The following TMEM131 variants were observed in gnomAD, a reference collection of about 807,000 sequenced individuals.
TMEM131 encodes the protein 2610524E03Rik.
In TMEM131, 66 loss-of-function variants were observed where a neutral mutation model predicts 211.6. That is an observed-to-expected ratio of 0.31 (90% CI 0.26 to 0.38). The LOEUF (loss-of-function observed/expected upper bound fraction) is 0.38. Among genes scored for constraint, TMEM131 ranks in the 10% least tolerant of loss-of-function variants. The probability of loss-of-function intolerance (pLI) is 1.00; values close to 1 mark genes in which losing one functional copy is unlikely to be tolerated. For missense variants in TMEM131, 2,036 were observed against 2,299.3 expected (o/e 0.89, Z 2.34); for synonymous variants, 844 against 841.3 (o/e 1.00, Z -0.06).
intron 1 of TMEM131, among the ~76,000 whole-genome samples, chr2:97,949,754 C>T (rs901953513): frequency 5.8e-5 from 8 of 137,476 alleles, no homozygotes; most frequent in African/African-American, 1.4e-4. Flanking sequence ...TGGGAGGCAG[C>T]GCTTGCAGTG....
chr2:97,943,095 A>G (rs182316161), intron 1 of TMEM131, among the ~76,000 whole-genome samples: 6 of 147,826 alleles, frequency 4.1e-5, no homozygotes, highest in African/African-American at 7.5e-5. Flanking sequence ...GAAAGAAAGA[A>G]AGAAAGAGCT....
At chr2:97,799,237 G>A (rs1456986996) in intron 25 of TMEM131, among the ~76,000 whole-genome samples, 4 of 151,570 alleles carry the variant, frequency 2.6e-5, no homozygotes, top group Admixed American at 2.6e-4. Context: ...TTTCCTAGCA[G>A]CCATTGTGTT....
intron 1 of TMEM131, among the ~76,000 whole-genome samples, chr2:97,968,939 G>A (rs1372619998): frequency 6.6e-6 from 1 of 151,366 alleles, no homozygotes; most frequent in East Asian, 1.9e-4. Context: ...AAAAAAATTA[G>A]CTGGGCCTGG....
intron 5 of TMEM131, among the ~76,000 whole-genome samples, chr2:97,853,873 A>C (rs1673730680): frequency 6.6e-6 from 1 of 152,172 alleles, no homozygotes; most frequent in Non-Finnish European, 1.5e-5. Flanking sequence ...GAGCAAAAAA[A>C]GTGGTTTCGT....
chr2:97,779,596 C>T (rs2104833387), intron 31 of TMEM131, among the ~76,000 whole-genome samples: 1 of 152,350 alleles, frequency 6.6e-6, no homozygotes, highest in Non-Finnish European at 1.5e-5. Flanking sequence ...TCCGCATCAC[C>T]TGGGACCTTG....
intron 11 of TMEM131, among the ~76,000 whole-genome samples, chr2:97,820,170 C>T (rs1432648725): frequency 6.6e-6 from 1 of 152,186 alleles, no homozygotes; most frequent in African/African-American, 2.4e-5. Context: ...TAACTTCCTC[C>T]GTTTTTCTTC....
intron 1 of TMEM131, among the ~76,000 whole-genome samples, chr2:97,994,592 GTGGTT>G (rs977429182): frequency 2.6e-5 from 4 of 151,862 alleles, no homozygotes; most frequent in African/African-American, 9.7e-5. Context: ...CAAGTTTTGC[GTGGTT>G]TGTTTTTTTT....
intron 5 of TMEM131, among the ~76,000 whole-genome samples, chr2:97,844,619 A>C (rs747483040): frequency 1.1e-4 from 17 of 152,164 alleles, no homozygotes; most frequent in Non-Finnish European, 2.1e-4. Context: ...TGTACTACTA[A>C]GCAGTGACTT....
chr2:97,956,458 CT>C (rs1348950184), intron 1 of TMEM131, among the ~76,000 whole-genome samples: 1 of 151,740 alleles, frequency 6.6e-6, no homozygotes, highest in Non-Finnish European at 1.5e-5. Context: ...TCTCCTATTA[CT>C]TTGATCAAAG....
intron 32 of TMEM131, among the ~76,000 whole-genome samples, chr2:97,775,513 G>A (rs1679681898): frequency 6.6e-6 from 1 of 152,190 alleles, no homozygotes; most frequent in South Asian, 2.1e-4. Context: ...TCTGAAAGAA[G>A]TTTCATGAGG....
At chr2:97,816,375 A>G (rs532998201) in intron 12 of TMEM131, among the ~76,000 whole-genome samples, 1 of 152,302 alleles carries the variant, frequency 6.6e-6, no homozygotes, top group East Asian at 1.9e-4. Flanking sequence ...ATAAATAAAT[A>G]AGGAATTACA....
At chr2:97,765,971 A>G in intron 35 of TMEM131, 143 bp downstream of exon 35, 2 of 983,842 alleles carry the variant, frequency 2.0e-6, no homozygotes, top group Middle Eastern at 3.3e-4. Context: ...GCCACTGATT[A>G]GGCTAGTTAA....
chr2:97,855,357 T>C (rs1422809706), intron 5 of TMEM131, among the ~76,000 whole-genome samples: 1 of 152,248 alleles, frequency 6.6e-6, no homozygotes, highest in Non-Finnish European at 1.5e-5. Flanking sequence ...ATTCCGGCTC[T>C]TATTAATATA....
chr2:97,806,374 T>C (rs1681297863), intron 19 of TMEM131, among the ~76,000 whole-genome samples: 1 of 152,084 alleles, frequency 6.6e-6, no homozygotes, highest in South Asian at 2.1e-4. Context: ...CTGTTCCTGC[T>C]AAAAATACAC....
Position 97,841,807 on chromosome 2 carries a change from A to G in TMEM131, c.723+8T>C, listed in dbSNP as rs775096373. On this transcript the variant is annotated splice_region_variant and intron_variant, in intron 7 of 40. Coordinates refer to ENST00000186436, the MANE Select transcript of TMEM131 (RefSeq NM_015348.2). ...GAAGCTTATTCAAAATTACCATCAT[A>G]AACTCACCTGTAAAGGCTCACTGTG... is the stretch of plus-strand genomic sequence containing the variant. 1.7e-5 allele frequency: 27 copies of G among 1,573,392 alleles called. No homozygotes were observed. Among genetic ancestry groups the G allele is most frequent in the Non-Finnish European group, 2.3e-5 (27 of 1,161,196 alleles).
At position 97,927,451 on chromosome 2, in the gene TMEM131, C is replaced by A; in HGVS notation, c.224G>T (p.Arg75Leu). The part of the protein sequence containing the change: ...VQSESIIEVL[R>L]FDDGGLLQTE... Reference sequence around the variant, plus strand: ...CTGTAGTAGCCCTCCATCATCAAAACGCAGTACTTCTATTATGCTCTCTGA... The same window carrying A: ...CTGTAGTAGCCCTCCATCATCAAAAAGCAGTACTTCTATTATGCTCTCTGA... The change falls in exon 2 of 41, where the codon CGT (arginine) becomes CTT (leucine). Residue 75 changes from arginine to leucine, a missense_variant. Transcript: ENST00000186436. 3 of 1,587,824 alleles carry A rather than the reference C, an allele frequency of 1.9e-6. No homozygotes were observed. The highest frequency in any genetic ancestry group is 1.7e-5 in the Admixed American group (1 of 57,368).
chr2:97,957,084 G>A (rs1205347176), intron 1 of TMEM131, among the ~76,000 whole-genome samples: 5 of 142,502 alleles, frequency 3.5e-5, no homozygotes, highest in Admixed American at 2.1e-4. Context: ...GCGACAGCGT[G>A]AGACTCCGTC....
intron 4 of TMEM131, among the ~76,000 whole-genome samples, chr2:97,867,018 T>C (rs1428911178): frequency 6.6e-6 from 1 of 152,262 alleles, no homozygotes; most frequent in Non-Finnish European, 1.5e-5. Flanking sequence ...ATTCAGATTT[T>C]GGAGCATTTT....
At chr2:97,813,923 T>C in intron 15 of TMEM131, 48 bp downstream of exon 15, 1 of 1,414,630 alleles carries the variant, frequency 7.1e-7, no homozygotes, top group Non-Finnish European at 9.6e-7. Flanking sequence ...CTGAAAACAT[T>C]AAAGGTGGGC....
Sources: allele counts gnomAD v4.1 joint callset (sites outside exome capture counted in the v4.1 genomes callset), GRCh38; gene constraint gnomAD v4.1.1; transcripts MANE v1.5; gene names NCBI Gene and HGNC (gene_info 2026-07-23, HGNC 2026-07-21).